The following RRP1 variants were observed in gnomAD, a reference collection of about 807,000 sequenced individuals.
The protein encoded by RRP1 is ribosomal RNA processing 1.
In RRP1, 37 loss-of-function variants were observed where a neutral mutation model predicts 54.6. The observed-to-expected ratio is 0.68, with a 90% CI of 0.52 to 0.89. RRP1 has a LOEUF of 0.89. RRP1 is among the 40% of genes least tolerant of loss of function. The pLI is 0.00. For missense variants in RRP1, 639 were observed against 612.5 expected (o/e 1.04, Z -0.46); for synonymous variants, 262 against 244.3 (o/e 1.07, Z -0.67).
chr21:43,795,737 G>A (rs192418520), intron 5 of RRP1, among the ~76,000 whole-genome samples: 4 of 152,274 alleles, frequency 2.6e-5, no homozygotes, highest in Middle Eastern at 3.4e-3. Context: ...TTTTTTGGTA[G>A]AGACGAGTTC....
At chr21:43,799,892 C>T (rs1394396363) in intron 9 of RRP1, among the ~76,000 whole-genome samples, 1 of 152,172 alleles carries the variant, frequency 6.6e-6, no homozygotes, top group Non-Finnish European at 1.5e-5. Context: ...GGAGGGTGGG[C>T]TCAGGCAGAA....
intron 5 of RRP1, among the ~76,000 whole-genome samples, chr21:43,796,137 T>G (rs538297291): frequency 2.0e-5 from 3 of 150,030 alleles, no homozygotes; most frequent in South Asian, 2.1e-4. Context: ...GGTTTTTTGT[T>G]TTTTTTTTTT....
At chr21:43,791,543 C>T (rs1311443299) in intron 2 of RRP1, 111 bp downstream of exon 2, 1 of 999,138 alleles carries the variant, frequency 1.0e-6, no homozygotes, top group African/African-American at 1.6e-5. Context: ...GCTCTTGTTG[C>T]CCAGGCTGGA....
intron 9 of RRP1, 44 bp from the exon 10 acceptor site, chr21:43,800,473 A>G (rs756819883): frequency 1.3e-6 from 2 of 1,587,848 alleles, no homozygotes; most frequent in South Asian, 2.2e-5. Flanking sequence ...GAGCACGCAG[A>G]GCGTGGCTGA....
chr21:43,792,861 T>G, intron 3 of RRP1, 132 bp downstream of exon 3: 1 of 901,916 alleles, frequency 1.1e-6, no homozygotes, highest in African/African-American at 1.6e-5. Context: ...GAGCGCCAGC[T>G]GGTGTCTGTG....
At chr21:43,791,028 G>C (rs777310231) in intron 1 of RRP1, 2 of 488,566 alleles carry the variant, frequency 4.1e-6, no homozygotes, top group Admixed American at 2.3e-5. Context: ...TAACCTTGTG[G>C]CCACTGTCCA....
In RRP1 at chr21:43,792,730, G is replaced by A. The variant is rs1199796069; in HGVS notation, c.274+1G>A. Reference sequence around the variant, plus strand: ...CATGCTTTTCAGACCACGGAGGCGCGTGAGTATGCTCTGCTGTAGTTGGGT... The same window carrying A: ...CATGCTTTTCAGACCACGGAGGCGCATGAGTATGCTCTGCTGTAGTTGGGT... On this transcript the variant is annotated splice_donor_variant, in intron 3 of 12. Transcript: ENST00000497547. LOFTEE classifies it high-confidence loss of function. 3.7e-6 allele frequency: 6 copies of A among 1,614,056 alleles called. No individual in the cohort carries two copies. The highest frequency in any genetic ancestry group is 5.1e-6 in the Non-Finnish European group (6 of 1,179,950).
chr21:43,798,777 T>G (rs1259630897), intron 8 of RRP1, among the ~76,000 whole-genome samples: 1 of 152,006 alleles, frequency 6.6e-6, no homozygotes, highest in Non-Finnish European at 1.5e-5. Flanking sequence ...GCCTGCTGGG[T>G]GGTCTGAGCT....
chr21:43,791,237 T>TAAA, intron 1 of RRP1, 113 bp from the exon 2 acceptor site: 1 of 1,116,944 alleles, frequency 9.0e-7, no homozygotes, highest in Non-Finnish European at 1.4e-6. Context: ...CCCAGTTGCC[T>TAAA]TTACCGTAAG....
rs2084937420 is a variant in RRP1, at chr21:43,789,758, C to G, written c.129C>G (p.Ala43=). Reference sequence around the variant, plus strand: ...ACATCGTCGCCAGGACTCAGCGGGCCGCAGGTTGGCGGGGGTGTGGGCGGC... The same window carrying G: ...ACATCGTCGCCAGGACTCAGCGGGCGGCAGGTTGGCGGGGGTGTGGGCGGC... ...RKYIVARTQR[A]AGGFTHDELL... The change falls in exon 1 of 13, where the codon GCC becomes GCG. Residue 43 remains alanine (A), a synonymous_variant. Transcript: ENST00000497547. 3 of 1,515,770 alleles carry G rather than the reference C, an allele frequency of 2.0e-6. No homozygotes were observed. Among genetic ancestry groups the G allele is most frequent in the Non-Finnish European group, 1.8e-6 (2 of 1,130,436 alleles). 93.9% of individuals were successfully genotyped at this position (1,515,770 alleles called of 1,614,324 possible).
chr21:43,797,723 C>T (rs368806408), intron 7 of RRP1, 28 bp downstream of exon 7: 50 of 1,610,414 alleles, frequency 3.1e-5, no homozygotes, highest in Middle Eastern at 1.6e-4. Context: ...TGATCGGGCC[C>T]GACTCCTTCA....
intron 9 of RRP1, among the ~76,000 whole-genome samples, chr21:43,799,995 G>A (rs980221292): frequency 6.6e-6 from 1 of 152,268 alleles, no homozygotes; most frequent in South Asian, 2.1e-4. Context: ...TCGTTGGGGT[G>A]CTGGTGGGGA....
rs374983239 is a variant in RRP1 at position 43,803,589 on chromosome 21, G to A, written c.1201G>A (p.Glu401Lys). 4.4e-5 allele frequency: 68 copies of A among 1,552,544 alleles called. No individual in the cohort carries two copies. The highest frequency in any genetic ancestry group is 4.2e-4 in the African/African-American group (31 of 73,286). Residue 401 changes from glutamate to lysine, a missense_variant, in exon 13 of 13, where the codon GAG (glutamate) becomes AAG (lysine). By Grantham distance (56) the Glu-to-Lys change is moderately conservative. Coordinates refer to ENST00000497547, the MANE Select transcript of RRP1 (RefSeq NM_003683.6). ...SRRRGVGADP[E>K]ARAEAGEQPG... ...GAGGAGGGGTGTAGGGGCCGACCCC[G>A]AGGCGCGGGCAGAGGCTGGTGAGCA...
intron 4 of RRP1, among the ~76,000 whole-genome samples, chr21:43,794,254 GC>G (rs2123410165): frequency 6.6e-6 from 1 of 152,286 alleles, no homozygotes; most frequent in African/African-American, 2.4e-5. Context: ...CAGGCCAGGG[GC>G]CCGGCCATGC....
chr21:43,800,300 C>T (rs925382286), intron 9 of RRP1, among the ~76,000 whole-genome samples: 3 of 150,866 alleles, frequency 2.0e-5, no homozygotes, highest in East Asian at 2.0e-4. Flanking sequence ...CCCCGCAGTG[C>T]GTGCCCCGCA....
At position 43,802,335 on chromosome 21, in the gene RRP1, G is replaced by A. The variant is rs760543201; in HGVS notation, c.1071G>A (p.Arg357=). Residue 357 remains arginine, a synonymous_variant, in exon 12 of 13, where the codon CGG becomes CGA. Coordinates refer to ENST00000497547, the MANE Select transcript of RRP1 (RefSeq NM_003683.6). ...KACRRLLEGR[R]QKKTKKQKRL... is the part of the protein sequence containing the mutation. ...GCAGGCGCCTGCTTGAAGGGAGGCG[G>A]CAGAAGAAGACGAAGAAGCAGAAGC... 3 of 1,613,994 alleles carry A rather than the reference G, an allele frequency of 1.9e-6. No individual in the cohort carries two copies. Among genetic ancestry groups the A allele is most frequent in the South Asian group, 1.1e-5 (1 of 91,078 alleles).
At chr21:43,798,243 C>T (rs2085044786) in intron 8 of RRP1, 143 bp downstream of exon 8, 2 of 701,474 alleles carry the variant, frequency 2.9e-6, no homozygotes, top group African/African-American at 1.8e-5. Context: ...AGCATAGAAG[C>T]CAGAGTGACT....
At position 43,803,454 on chromosome 21, in the gene RRP1, A is replaced by G. The variant is rs554685930; in HGVS notation, c.1124-58A>G. On this transcript the variant is annotated intron_variant, in intron 12 of 12. Transcript: ENST00000497547. ...TGGCATCCTCAGCCTGAGTTGGAGT[A>G]AGTGGAAAGAGCCCGTGTTGGCATT... The G allele has an allele frequency of 2.6e-4, 390 of 1,482,240 alleles. 1 individual carries two copies. In the African/African-American group the frequency reaches 4.9e-3, roughly 19 times the overall value. The allele number at this position is 1,482,240 out of a possible 1,614,324, so 91.8% of individuals were successfully genotyped here.
intron 2 of RRP1, among the ~76,000 whole-genome samples, chr21:43,791,953 A>C (rs2084964477): frequency 6.6e-6 from 1 of 152,234 alleles, no homozygotes; most frequent in African/African-American, 2.4e-5. Flanking sequence ...CGTGCACTGC[A>C]GCAGCACTGG....
Sources: allele counts gnomAD v4.1 joint callset (sites outside exome capture counted in the v4.1 genomes callset), GRCh38; gene constraint gnomAD v4.1.1; transcripts MANE v1.5; gene names NCBI Gene and HGNC (gene_info 2026-07-23, HGNC 2026-07-21).